The following MARCHF1 variants were observed in gnomAD, a reference collection of about 807,000 sequenced individuals.
The protein encoded by MARCHF1 is membrane associated ring-CH-type finger 1.
In MARCHF1, 40 loss-of-function variants were observed where a neutral mutation model predicts 54.2. The observed-to-expected ratio is 0.74, with a 90% confidence interval of 0.57 to 0.96. The LOEUF is 0.96. MARCHF1 is among the 40% of genes least tolerant of loss of function. The pLI is 0.00. For synonymous variants in MARCHF1, 236 were observed against 236.3 expected (o/e 1.00, Z 0.01); for missense variants, 586 against 656.5 (o/e 0.89, Z 1.17).
intron 2 of MARCHF1, among the ~76,000 whole-genome samples, chr4:164,032,685 G>A (rs990110924): frequency 6.6e-6 from 1 of 152,090 alleles, no homozygotes; most frequent in African/African-American, 2.4e-5. Flanking sequence ...TGATTGCACT[G>A]TGGTCTAACA....
chr4:164,137,161 C>T (rs1350240251), intron 1 of MARCHF1, among the ~76,000 whole-genome samples: 15 of 152,192 alleles, frequency 9.9e-5, no homozygotes, highest in Non-Finnish European at 1.2e-4. Flanking sequence ...TTCACATTCA[C>T]AGCTCTTATT....
At chr4:164,025,863 G>A (rs7680457) in intron 2 of MARCHF1, among the ~76,000 whole-genome samples, 82,625 of 151,654 alleles carry the variant, frequency 0.54, 24,588 homozygotes, top group South Asian at 0.7. Flanking sequence ...ATTTAAATAA[G>A]TGCAATGAAA....
chr4:164,257,831 T>C (rs1011783218), intron 1 of MARCHF1, among the ~76,000 whole-genome samples: 3 of 152,060 alleles, frequency 2.0e-5, no homozygotes, highest in Admixed American at 2.0e-4. Context: ...TAGTGGGGCA[T>C]GGTGGCAGGT....
chr4:164,313,217 C>T (rs971523043), intron 1 of MARCHF1, among the ~76,000 whole-genome samples: 14 of 149,172 alleles, frequency 9.4e-5, no homozygotes, highest in East Asian at 2.0e-4. Flanking sequence ...GGGGTGGTGG[C>T]GGGTGCCTGT....
At chr4:163,758,761 C>G (rs1379152663) in intron 4 of MARCHF1, among the ~76,000 whole-genome samples, 1 of 152,144 alleles carries the variant, frequency 6.6e-6, no homozygotes, top group Non-Finnish European at 1.5e-5. Flanking sequence ...TGGTTCTGAC[C>G]TCCTAAAATG....
chr4:163,798,426 A>C (rs1370546247), intron 4 of MARCHF1, among the ~76,000 whole-genome samples: 1 of 152,196 alleles, frequency 6.6e-6, no homozygotes, highest in Non-Finnish European at 1.5e-5. Flanking sequence ...GTCTTAGCAG[A>C]ATAAGACAGA....
chr4:163,664,438 C>G (rs2111109382), intron 5 of MARCHF1, among the ~76,000 whole-genome samples: 1 of 152,070 alleles, frequency 6.6e-6, no homozygotes, highest in East Asian at 1.9e-4. Flanking sequence ...ACAAAGAATG[C>G]TTAAATATAA....
At chr4:164,183,621 T>C (rs1001383009) in intron 1 of MARCHF1, among the ~76,000 whole-genome samples, 4 of 152,226 alleles carry the variant, frequency 2.6e-5, no homozygotes, top group Admixed American at 2.0e-4. Context: ...TAAATGTACA[T>C]TTTTAACTTT....
intron 1 of MARCHF1, among the ~76,000 whole-genome samples, chr4:164,116,456 G>A (rs961656335): frequency 6.6e-6 from 1 of 152,076 alleles, no homozygotes; most frequent in African/African-American, 2.4e-5. Flanking sequence ...GTGTGTGCTT[G>A]TGTGTGTGTT....
At chr4:164,289,584 GGAAA>G (rs1471154962) in intron 1 of MARCHF1, among the ~76,000 whole-genome samples, 2 of 48,712 alleles carry the variant, frequency 4.1e-5, no homozygotes, top group African/African-American at 7.7e-5. Flanking sequence ...ATACTTAGAT[GGAAA>G]AAAAAAAAAA....
chr4:164,258,243 G>A (rs1437180529), intron 1 of MARCHF1, among the ~76,000 whole-genome samples: 1 of 152,022 alleles, frequency 6.6e-6, no homozygotes, highest in Non-Finnish European at 1.5e-5. Flanking sequence ...CACAGGGCCT[G>A]TAGCAGGGTG....
chr4:164,250,464 A>G (rs915295682), intron 1 of MARCHF1, among the ~76,000 whole-genome samples: 1 of 152,232 alleles, frequency 6.6e-6, no homozygotes, highest in Middle Eastern at 3.4e-3. Flanking sequence ...TACTTTCAGT[A>G]CTATTTTGAT....
Position 164,197,398 on chromosome 4 carries a change from A to G in MARCHF1, c.-322-85736T>C, listed in dbSNP as rs17008716. On this transcript the variant is annotated intron_variant, in intron 1 of 9. Coordinates refer to ENST00000514618, the MANE Select transcript of MARCHF1 (RefSeq NM_001394959.1). ...GCTCTTGAGGTTTTCTAACTGTTTC[A>G]GTGGCTCTATTGTGCTGAGGTCTTT... 2.2e-3 allele frequency: 3,494 copies of G among 1,613,400 alleles called. 71 individuals carry two copies. In the African/African-American group the frequency reaches 0.042, roughly 20 times the overall value.
chr4:163,639,569 A>G (rs1742479425), intron 5 of MARCHF1, among the ~76,000 whole-genome samples: 1 of 152,198 alleles, frequency 6.6e-6, no homozygotes, highest in Non-Finnish European at 1.5e-5. Context: ...CCTTCAGAAA[A>G]TAGTAATGAA....
intron 1 of MARCHF1, among the ~76,000 whole-genome samples, chr4:164,319,681 G>A (rs1320329696): frequency 6.6e-6 from 1 of 151,990 alleles, no homozygotes; most frequent in Non-Finnish European, 1.5e-5. Flanking sequence ...AATTTATTTA[G>A]TCGGTTCAGT....
intron 2 of MARCHF1, among the ~76,000 whole-genome samples, chr4:164,020,438 C>G (rs1024293055): frequency 6.6e-6 from 1 of 152,196 alleles, no homozygotes; most frequent in East Asian, 1.9e-4. Flanking sequence ...GAGTTTCGCA[C>G]TCCTTAGTCT....
At chr4:163,720,425 C>A (rs1181292261) in intron 4 of MARCHF1, among the ~76,000 whole-genome samples, 1 of 152,218 alleles carries the variant, frequency 6.6e-6, no homozygotes, top group Non-Finnish European at 1.5e-5. Context: ...GTTTTGGTTA[C>A]TGTAGCCTTG....
At chr4:163,614,396 C>T (rs528167365) in intron 5 of MARCHF1, among the ~76,000 whole-genome samples, 59 of 152,128 alleles carry the variant, frequency 3.9e-4, no homozygotes, top group Non-Finnish European at 7.4e-4. Context: ...TAGGTGGTAA[C>T]GCTGAGATCT....
intron 1 of MARCHF1, among the ~76,000 whole-genome samples, chr4:164,261,322 CATT>C (rs1174511472): frequency 1.3e-5 from 2 of 152,110 alleles, no homozygotes; most frequent in Admixed American, 1.3e-4. Context: ...TAGATATGAT[CATT>C]GTCTCCAATT....
Sources: gnomAD v4.1 joint callset for allele counts (sites outside exome capture counted in the v4.1 genomes callset) on GRCh38, gnomAD v4.1.1 for gene constraint, MANE v1.5 for transcripts, NCBI Gene and HGNC (gene_info 2026-07-23, HGNC 2026-07-21) for gene names.